Variants in ADAMTSL3 observed in about 807,000 individuals in gnomAD.
ADAMTSL3 encodes the protein ADAMTS like 3, also known as ADAMTS-like protein 3.
Under a neutral mutation model 201.7 loss-of-function variants are expected in ADAMTSL3, and 128 were observed. That is an observed-to-expected ratio of 0.63 (90% CI 0.55 to 0.73). The LOEUF is 0.73. Among genes scored for constraint, ADAMTSL3 ranks in the 30% least tolerant of loss-of-function variants. The pLI is 0.00. For missense variants in ADAMTSL3, 1,990 were observed against 2,119.6 expected (o/e 0.94, Z 1.20); for synonymous variants, 738 against 748.4 (o/e 0.99, Z 0.23).
chr15:83,794,304 G>C (rs2063390013), intron 4 of ADAMTSL3, among the ~76,000 whole-genome samples: 1 of 151,894 alleles, frequency 6.6e-6, no homozygotes, highest in Admixed American at 6.6e-5. Context: ...TGCACTCCTG[G>C]GCATTTTTCT....
chr15:83,765,391 C>A (rs1008281058), intron 3 of ADAMTSL3, among the ~76,000 whole-genome samples: 8 of 152,038 alleles, frequency 5.3e-5, no homozygotes, highest in Non-Finnish European at 1.2e-4. Context: ...GAAGTAATAT[C>A]CCAGTGGAAC....
chr15:84,000,150 AT>A (rs1220448124), intron 23 of ADAMTSL3, among the ~76,000 whole-genome samples: 2 of 151,974 alleles, frequency 1.3e-5, no homozygotes, highest in Non-Finnish European at 2.9e-5. Context: ...GAAATCTAAG[AT>A]TATCTGCTTG....
At chr15:84,023,793 C>T (rs1329944917) in intron 26 of ADAMTSL3, among the ~76,000 whole-genome samples, 2 of 152,156 alleles carry the variant, frequency 1.3e-5, no homozygotes, top group Non-Finnish European at 2.9e-5. Flanking sequence ...ATCCCAGATC[C>T]CTCTACATCA....
At chr15:83,785,390 A>G (rs2141806021) in intron 4 of ADAMTSL3, among the ~76,000 whole-genome samples, 1 of 152,366 alleles carries the variant, frequency 6.6e-6, no homozygotes, top group East Asian at 1.9e-4. Flanking sequence ...TGAGTATAAA[A>G]TTCCTAAGAT....
chr15:84,008,347 G>A (rs1174507539), intron 23 of ADAMTSL3, among the ~76,000 whole-genome samples: 1 of 152,126 alleles, frequency 6.6e-6, no homozygotes, highest in Non-Finnish European at 1.5e-5. Flanking sequence ...TGCCCACCTC[G>A]GCCTCCCACA....
At chr15:84,019,076 T>TACACACACAC (rs71453219) in intron 25 of ADAMTSL3, among the ~76,000 whole-genome samples, 15,948 of 139,038 alleles carry the variant, frequency 0.11, 1,123 homozygotes, top group East Asian at 0.23. Context: ...CACACACACA[T>TACACACACAC]ACACACACAC....
chr15:83,939,074 G>A (rs2066509832), intron 17 of ADAMTSL3, among the ~76,000 whole-genome samples: 2 of 152,020 alleles, frequency 1.3e-5, no homozygotes, highest in Admixed American at 6.6e-5. Flanking sequence ...TTGCTATGTC[G>A]TAGACACTGA....
chr15:84,017,811 G>T (rs1399461036), intron 25 of ADAMTSL3, among the ~76,000 whole-genome samples: 1 of 152,224 alleles, frequency 6.6e-6, no homozygotes, highest in Non-Finnish European at 1.5e-5. Context: ...TGGGGTTGCA[G>T]ATGACCTCCT....
At chr15:83,960,127 G>A (rs1377045775) in intron 19 of ADAMTSL3, among the ~76,000 whole-genome samples, 1 of 152,018 alleles carries the variant, frequency 6.6e-6, no homozygotes, top group Non-Finnish European at 1.5e-5. Context: ...TTATTCAAAA[G>A]CTTACAAAAA....
intron 3 of ADAMTSL3, among the ~76,000 whole-genome samples, chr15:83,771,861 T>C (rs1247502772): frequency 9.1e-6 from 1 of 110,330 alleles, no homozygotes; most frequent in Non-Finnish European, 1.8e-5. Context: ...TAGCTTTTTT[T>C]CTTTTTTTTT....
intron 20 of ADAMTSL3, among the ~76,000 whole-genome samples, chr15:83,978,400 G>C (rs1435068949): frequency 6.6e-6 from 1 of 152,118 alleles, no homozygotes; most frequent in African/African-American, 2.4e-5. Context: ...AGAGGTGGAG[G>C]GATGGGTTAA....
chr15:83,878,946 T>C (rs576154832), intron 9 of ADAMTSL3, among the ~76,000 whole-genome samples: 1 of 152,328 alleles, frequency 6.6e-6, no homozygotes, highest in Admixed American at 6.5e-5. Flanking sequence ...ATGCATTTAA[T>C]GTCTTTGAAA....
At chr15:83,758,702 C>A (rs2062760312) in intron 3 of ADAMTSL3, among the ~76,000 whole-genome samples, 1 of 152,086 alleles carries the variant, frequency 6.6e-6, no homozygotes, top group African/African-American at 2.4e-5. Flanking sequence ...ATTTATATAT[C>A]TTCTTTGGAT....
chr15:83,705,591 A>G (rs1203223609), intron 3 of ADAMTSL3, among the ~76,000 whole-genome samples: 2 of 151,772 alleles, frequency 1.3e-5, no homozygotes, highest in Non-Finnish European at 1.5e-5. Context: ...GTGGGCTGGG[A>G]GAAGGATGAA....
chr15:83,840,823 T>C (rs936874908), intron 7 of ADAMTSL3, among the ~76,000 whole-genome samples: 1 of 152,202 alleles, frequency 6.6e-6, no homozygotes, highest in Non-Finnish European at 1.5e-5. Context: ...CATTGGAGTT[T>C]ATAAGTCTTT....
chr15:84,000,612 G>C (rs1418601396), intron 23 of ADAMTSL3, among the ~76,000 whole-genome samples: 1 of 152,212 alleles, frequency 6.6e-6, no homozygotes, highest in Admixed American at 6.5e-5. Context: ...ATGTCATAAT[G>C]CAAAAATAGA....
At chr15:83,937,455 TA>T (rs1473260705) in intron 17 of ADAMTSL3, among the ~76,000 whole-genome samples, 1 of 150,500 alleles carries the variant, frequency 6.6e-6, no homozygotes, top group Non-Finnish European at 1.5e-5. Context: ...AGAAGCTAAA[TA>T]TTGAGAATAC....
chr15:83,877,166 C>T (rs560345826), intron 9 of ADAMTSL3, among the ~76,000 whole-genome samples: 21 of 152,286 alleles, frequency 1.4e-4, no homozygotes, highest in African/African-American at 4.8e-4. Context: ...TCTCAAACTC[C>T]TGAGCTCAAG....
At chr15:83,963,288 C>T (rs1190023063) in intron 19 of ADAMTSL3, among the ~76,000 whole-genome samples, 4 of 152,200 alleles carry the variant, frequency 2.6e-5, no homozygotes, top group Non-Finnish European at 4.4e-5. Flanking sequence ...TACAGCAGTG[C>T]GAAGTTGACC....
Sources: allele counts gnomAD v4.1 joint callset (sites outside exome capture counted in the v4.1 genomes callset), GRCh38; gene constraint gnomAD v4.1.1; transcripts MANE v1.5; gene names NCBI Gene and HGNC (gene_info 2026-07-23, HGNC 2026-07-21).